INPP5F: variants seen among roughly 807,000 people sequenced by gnomAD.
INPP5F encodes the protein phosphatidylinositide 4-phosphatase SAC2.
INPP5F carries 97 observed loss-of-function variants against 137.2 expected under a neutral mutation model. The observed-to-expected ratio is 0.71, with a 90% CI of 0.60 to 0.84. The LOEUF (loss-of-function observed/expected upper bound fraction) is 0.84, where lower values mean the gene tolerates loss of function less well. Among genes scored for constraint, INPP5F ranks in the 40% least tolerant of loss-of-function variants. The pLI, the probability that INPP5F is intolerant of heterozygous loss-of-function variation, is 0.00. For synonymous variants in INPP5F, 504 were observed against 476.9 expected, an observed-to-expected ratio of 1.06 and a Z score of -0.74; for missense variants, 1,271 against 1,371.9, an observed-to-expected ratio of 0.93 and a Z score of 1.16.
intron 19 of INPP5F, among the ~76,000 whole-genome samples, chr10:119,826,429 T>C (rs1311164949): frequency 6.6e-6 from 1 of 152,204 alleles, no homozygotes; most frequent in African/African-American, 2.4e-5. Context: ...GCTAGAAAAA[T>C]TGTAATTATG....
At chr10:119,781,366 T>C (rs1589707276) in intron 2 of INPP5F, among the ~76,000 whole-genome samples, 1 of 152,220 alleles carries the variant, frequency 6.6e-6, no homozygotes, top group East Asian at 1.9e-4. Flanking sequence ...AGCACATGTG[T>C]TGTCATTCTT....
chr10:119,817,557 ATTGTGGTT>A (rs2134278742), intron 15 of INPP5F, among the ~76,000 whole-genome samples: 1 of 151,860 alleles, frequency 6.6e-6, no homozygotes, highest in Admixed American at 6.5e-5. Context: ...GTGGTATCTC[ATTGTGGTT>A]TTGATTTGCA....
intron 1 of INPP5F, 98 bp downstream of exon 1, chr10:119,726,457 G>T (rs1040459479): frequency 3.3e-6 from 2 of 608,512 alleles, no homozygotes; most frequent in African/African-American, 2.0e-5. Context: ...AGCCGCCTGC[G>T]GGCCTGGTGA....
intron 2 of INPP5F, among the ~76,000 whole-genome samples, chr10:119,764,266 T>C (rs947443208): frequency 6.6e-6 from 1 of 152,192 alleles, no homozygotes; most frequent in African/African-American, 2.4e-5. Flanking sequence ...CCCTGCTGCT[T>C]GGTACCAAAA....
rs781159229 is a variant in INPP5F, at chr10:119,796,732, T to C, written c.687T>C (p.Phe229=). 18 of 1,613,824 alleles carry C rather than the reference T, an allele frequency of 1.1e-5. No homozygotes were observed. The highest frequency in any genetic ancestry group is 6.7e-5 in the African/African-American group (5 of 74,940). The change falls in exon 7 of 20, where the codon TTT becomes TTC. Residue 229 remains phenylalanine, a synonymous_variant. Coordinates refer to ENST00000650623, the MANE Select transcript of INPP5F (RefSeq NM_014937.4). ...LTEIGTPDVD[F]WIIPMIQGFV... ...GTTTTCAGACTCCAGATGTGGACTTTTGGATTATCCCCATGATCCAAGGTT... is the reference window on the plus strand; with the variant it reads ...GTTTTCAGACTCCAGATGTGGACTTCTGGATTATCCCCATGATCCAAGGTT...
chr10:119,779,246 G>T (rs1849624878), intron 2 of INPP5F, among the ~76,000 whole-genome samples: 1 of 152,128 alleles, frequency 6.6e-6, no homozygotes, highest in Non-Finnish European at 1.5e-5. Flanking sequence ...CCTGTATTGG[G>T]CATTTACTAT....
Position 119,796,921 on chromosome 10 carries a change from G to A in INPP5F, c.868+8G>A. 6.2e-7 allele frequency: 1 copy of A among 1,611,240 alleles called. No homozygotes were observed. Among genetic ancestry groups the A allele is most frequent in the Non-Finnish European group, 8.5e-7 (1 of 1,177,436 alleles). On this transcript the variant is annotated splice_region_variant and intron_variant, in intron 7 of 19. Transcript: ENST00000650623. ...GAAGTAGGCACAGAGCAGGTGAGTG[G>A]AGGGCTGTAATAGCATTCAAATCAA...
chr10:119,806,569 G>A, intron 12 of INPP5F, 89 bp downstream of exon 12: 1 of 1,246,162 alleles, frequency 8.0e-7, no homozygotes, highest in Non-Finnish European at 1.1e-6. Flanking sequence ...TTTTTCAAAT[G>A]TCAAATATTC....
chr10:119,814,039 A>G (rs1325839651), intron 15 of INPP5F, among the ~76,000 whole-genome samples: 1 of 152,116 alleles, frequency 6.6e-6, no homozygotes, highest in East Asian at 1.9e-4. Context: ...CCAGCACTAT[A>G]GAATTTGACT....
chr10:119,815,665 T>C (rs1245622955), intron 15 of INPP5F: 2 of 299,102 alleles, frequency 6.7e-6, no homozygotes, highest in East Asian at 8.6e-5. Flanking sequence ...GCAGGGGAGC[T>C]CCATCACTAA....
At chr10:119,760,440 G>T (rs971636080) in intron 2 of INPP5F, among the ~76,000 whole-genome samples, 8 of 152,152 alleles carry the variant, frequency 5.3e-5, no homozygotes, top group Non-Finnish European at 1.2e-4. Context: ...AACCTAGTGA[G>T]ACCCTGTCTC....
intron 2 of INPP5F, among the ~76,000 whole-genome samples, chr10:119,763,205 C>T (rs1849056876): frequency 6.6e-6 from 1 of 152,212 alleles, no homozygotes; most frequent in Non-Finnish European, 1.5e-5. Flanking sequence ...ATAATCTTCA[C>T]TGAGTCCATG....
chr10:119,756,079 C>A (rs1025443624), intron 2 of INPP5F, among the ~76,000 whole-genome samples: 8 of 151,866 alleles, frequency 5.3e-5, no homozygotes, highest in African/African-American at 1.7e-4. Context: ...TTGCTTGAGC[C>A]CAGGAGGCAG....
intron 2 of INPP5F, among the ~76,000 whole-genome samples, chr10:119,770,182 G>GA (rs1221405252): frequency 6.6e-6 from 1 of 151,998 alleles, no homozygotes; most frequent in African/African-American, 2.4e-5. Flanking sequence ...TCTTTTCCAG[G>GA]AAGAGGCACG....
chr10:119,822,019 T>TA (rs1298425393), intron 16 of INPP5F, among the ~76,000 whole-genome samples: 2 of 151,928 alleles, frequency 1.3e-5, no homozygotes, highest in Non-Finnish European at 2.9e-5. Context: ...GCCTCCTGAG[T>TA]AGCTGGGATT....
chr10:119,827,834 ACCTCTTGGGGTATTTTAATTG>A lies in INPP5F; in HGVS notation c.*55_*75del. The A allele has an allele frequency of 7.9e-7, 1 of 1,262,912 alleles. No individual in the cohort carries two copies. The highest frequency in any genetic ancestry group is 2.3e-5 in the East Asian group (1 of 43,202). 78.2% of individuals were successfully genotyped at this position (1,262,912 alleles called of 1,614,324 possible). A position where few individuals can be genotyped will look rare whatever the true frequency, so the allele number is the denominator to read the frequency against. On this transcript the variant is annotated 3_prime_UTR_variant, in exon 20 of 20. Coordinates refer to ENST00000650623, the MANE Select transcript of INPP5F (RefSeq NM_014937.4). ...TTTTATTTAAAAATATGAAATTTTCACCTCTTGGGGTATTTTAATTGTACTGTCTGAACCCAGGGATCACAA... is the reference window on the plus strand; with the variant it reads ...TTTTATTTAAAAATATGAAATTTTCATACTGTCTGAACCCAGGGATCACAA...
intron 1 of INPP5F, among the ~76,000 whole-genome samples, chr10:119,726,604 C>A (rs1157373255): frequency 6.6e-6 from 1 of 152,236 alleles, no homozygotes; most frequent in Non-Finnish European, 1.5e-5. Context: ...GTCCTTCCCA[C>A]CGCGTCACGC....
intron 1 of INPP5F, among the ~76,000 whole-genome samples, chr10:119,745,474 C>A (rs1445778401): frequency 1.3e-5 from 2 of 151,700 alleles, no homozygotes; most frequent in Non-Finnish European, 2.9e-5. Flanking sequence ...AATACTATTT[C>A]ATGAAACTTT....
chr10:119,771,640 T>C (rs1157220130), intron 2 of INPP5F, among the ~76,000 whole-genome samples: 3 of 151,670 alleles, frequency 2.0e-5, no homozygotes, highest in African/African-American at 7.3e-5. Flanking sequence ...CCCAAGTGTA[T>C]AGACTACATT....
Sources: gnomAD v4.1 joint callset for allele counts (sites outside exome capture counted in the v4.1 genomes callset) on GRCh38, gnomAD v4.1.1 for gene constraint, MANE v1.5 for transcripts, NCBI Gene and HGNC (gene_info 2026-07-23, HGNC 2026-07-21) for gene names.